Variants in MOSMO observed in about 807,000 individuals in gnomAD.
MOSMO encodes modulator of smoothened protein.
A neutral mutation model predicts 18.4 loss-of-function variants in MOSMO; 5 were observed. That is an observed-to-expected ratio of 0.27 (90% CI 0.14 to 0.57). The LOEUF (loss-of-function observed/expected upper bound fraction) is 0.57. Ranked by LOEUF, MOSMO falls within the 20% of genes least tolerant of loss-of-function variation. The pLI, the probability that MOSMO is intolerant of heterozygous loss-of-function variation, is 0.92. For missense variants in MOSMO, 138 were observed against 211.8 expected (o/e 0.65, Z 2.16); for synonymous variants, 82 against 82.3 (o/e 1.00, Z 0.02).
Position 22,081,021 on chromosome 16 carries a change from A to G in MOSMO, c.*141A>G. 3.2e-6 allele frequency: 1 copy of G among 308,538 alleles called. No homozygotes were observed. Among genetic ancestry groups the G allele is most frequent in the Non-Finnish European group, 5.4e-6 (1 of 183,922 alleles). The allele number at this position is 308,538 out of a possible 1,614,324, so 19.1% of individuals were successfully genotyped here. A position where few individuals can be genotyped will look rare whatever the true frequency, so the allele number is the denominator to read the frequency against. ...TCAGATGAAACTGATGCTGAGAAGGAAAAAAAAATGCTTTGGTTTGTTCTC... is the reference window on the plus strand; with the variant it reads ...TCAGATGAAACTGATGCTGAGAAGGGAAAAAAAATGCTTTGGTTTGTTCTC... On this transcript the variant is annotated 3_prime_UTR_variant, in exon 3 of 3. Coordinates refer to ENST00000542527, the MANE Select transcript of MOSMO (RefSeq NM_001164579.2).
chr16:22,062,264 A>T (rs1900659361), intron 1 of MOSMO, among the ~76,000 whole-genome samples: 1 of 128,858 alleles, frequency 7.8e-6, no homozygotes, highest in East Asian at 3.9e-4. Context: ...AAAAATATAT[A>T]AAAAAGAGAA....
chr16:22,042,847 C>G (rs114352313), intron 1 of MOSMO, among the ~76,000 whole-genome samples: 247 of 152,296 alleles, frequency 1.6e-3, no homozygotes, highest in African/African-American at 5.6e-3. Context: ...TGCAACAACT[C>G]TGAGATAGAT....
chr16:22,051,486 G>A (rs1900426574), intron 1 of MOSMO, among the ~76,000 whole-genome samples: 1 of 151,954 alleles, frequency 6.6e-6, no homozygotes, highest in South Asian at 2.1e-4. Flanking sequence ...ATATCAATAG[G>A]TCAAACCACA....
chr16:22,091,969 C>G (rs1272854520), downstream of MOSMO, among the ~76,000 whole-genome samples: 1 of 152,172 alleles, frequency 6.6e-6, no homozygotes, highest in Non-Finnish European at 1.5e-5. Context: ...AGTTCTGAAT[C>G]AATCTCCTGA....
At chr16:22,089,848 A>G (rs1159401162), downstream of MOSMO, among the ~76,000 whole-genome samples, 1 of 151,790 alleles carries the variant, frequency 6.6e-6, no homozygotes, top group Non-Finnish European at 1.5e-5. Context: ...GCCACCAAAC[A>G]TGGAACAAGT....
At chr16:22,079,797 G>A (rs1901041331) in intron 2 of MOSMO, among the ~76,000 whole-genome samples, 1 of 151,942 alleles carries the variant, frequency 6.6e-6, no homozygotes, top group African/African-American at 2.4e-5. Context: ...ATTTATTTTT[G>A]TATTGAGACA....
chr16:22,023,504 T>G (rs540349053), intron 1 of MOSMO, among the ~76,000 whole-genome samples: 35 of 152,332 alleles, frequency 2.3e-4, no homozygotes, highest in Non-Finnish European at 3.7e-4. Context: ...GTGCTATTTC[T>G]TTTATTTTTT....
At chr16:22,073,292 CTT>C (rs545433546) in intron 1 of MOSMO, among the ~76,000 whole-genome samples, 14 of 152,116 alleles carry the variant, frequency 9.2e-5, no homozygotes, top group Non-Finnish European at 1.9e-4. Flanking sequence ...ACTGTACAGA[CTT>C]TGTATGTTAA....
intron 2 of MOSMO, among the ~76,000 whole-genome samples, chr16:22,078,235 C>T (rs1484548816): frequency 1.3e-5 from 2 of 151,970 alleles, no homozygotes; most frequent in Non-Finnish European, 1.5e-5. Context: ...TGTGTCTTTA[C>T]AAACTTATTT....
rs554219278 is a variant in MOSMO, at chr16:22,039,060, T to C, written c.106+30653T>C. The stretch of plus-strand genomic sequence containing the variant: ...TTCCTAATAATCATACTGAATCATA[T>C]CAGTTTTCTAATCATAATCATCTAT... On this transcript the variant is annotated intron_variant, in intron 1 of 2. Transcript: ENST00000542527. Among the ~76,000 whole-genome samples the C allele has an allele frequency of 4.6e-5, 7 of 152,332 alleles. No individual in the cohort carries two copies. The South Asian group carries it at 1.4e-3, about 32-fold the overall frequency.
At chr16:22,068,230 CATA>C (rs759374990) in intron 1 of MOSMO, among the ~76,000 whole-genome samples, 1 of 152,082 alleles carries the variant, frequency 6.6e-6, no homozygotes, top group Non-Finnish European at 1.5e-5. Context: ...ATATAATTTG[CATA>C]ATAATAGTTC....
chr16:22,043,673 A>G (rs1396656943), intron 1 of MOSMO, among the ~76,000 whole-genome samples: 1 of 152,148 alleles, frequency 6.6e-6, no homozygotes, highest in South Asian at 2.1e-4. Context: ...CCTCCCAGCC[A>G]TAGAGAAAGC....
downstream of MOSMO, chr16:22,092,058 T>C (rs2141806836): frequency 6.6e-6 from 1 of 152,418 alleles, no homozygotes; most frequent in East Asian, 1.9e-4. Flanking sequence ...GCAGATGATC[T>C]CTTCTGATGC....
intron 2 of MOSMO, chr16:22,075,966 G>T: frequency 2.9e-6 from 1 of 346,902 alleles, no homozygotes; most frequent in East Asian, 6.6e-5. Flanking sequence ...AAGTGTTCCA[G>T]GTTTGTGACT....
intron 1 of MOSMO, among the ~76,000 whole-genome samples, chr16:22,028,225 C>T (rs535891097): frequency 6.6e-6 from 1 of 152,016 alleles, no homozygotes; most frequent in South Asian, 2.1e-4. Flanking sequence ...ATATATCCAT[C>T]CATACAAATA....
rs149416810 is a variant in MOSMO, at chr16:22,053,476, C to T, written c.107-22011C>T. ...ACACACACTCATGCTCTTGTATATGCGTACATTATCCCTCCTGTAAAGATA... is the reference window on the plus strand; with the variant it reads ...ACACACACTCATGCTCTTGTATATGTGTACATTATCCCTCCTGTAAAGATA... On this transcript the variant is annotated intron_variant, in intron 1 of 2. Coordinates refer to ENST00000542527, the MANE Select transcript of MOSMO (RefSeq NM_001164579.2). Among the ~76,000 whole-genome samples the T allele has an allele frequency of 3.6e-3, 555 of 152,160 alleles. 6 individuals carry two copies. Among genetic ancestry groups the T allele is most frequent in the African/African-American group, 0.012 (513 of 41,504 alleles).
At chr16:22,072,970 T>C (rs1027938804) in intron 1 of MOSMO, among the ~76,000 whole-genome samples, 1 of 152,190 alleles carries the variant, frequency 6.6e-6, no homozygotes. Flanking sequence ...CTTTTAAAGC[T>C]AAACCGTGGT....
intron 1 of MOSMO, among the ~76,000 whole-genome samples, chr16:22,011,950 A>AAC: frequency 6.6e-6 from 1 of 151,502 alleles, no homozygotes; most frequent in Non-Finnish European, 1.5e-5. Context: ...AAAAAAAAAA[A>AAC]AGTGCAGAGT....
At chr16:22,051,115 C>T (rs577224846) in intron 1 of MOSMO, among the ~76,000 whole-genome samples, 37 of 152,028 alleles carry the variant, frequency 2.4e-4, no homozygotes, top group Admixed American at 1.7e-3. Context: ...TGGCTGGGCG[C>T]GATGGCTCAT....
Sources: allele counts gnomAD v4.1 joint callset (sites outside exome capture counted in the v4.1 genomes callset), GRCh38; gene constraint gnomAD v4.1.1; transcripts MANE v1.5; gene names NCBI Gene and HGNC (gene_info 2026-07-23, HGNC 2026-07-21).